The following ACSM1 variants were observed in gnomAD, a reference collection of about 807,000 sequenced individuals.
The protein encoded by ACSM1 is acyl-coenzyme A synthetase ACSM1, mitochondrial.
In ACSM1, 79 loss-of-function variants were observed where a neutral mutation model predicts 75.8. The observed-to-expected ratio is 1.04, with a 90% CI of 0.87 to 1.26. ACSM1 has a LOEUF of 1.26. Ranked by LOEUF, ACSM1 falls within the 50% of genes most tolerant of loss-of-function variation. ACSM1 has a pLI of 0.00. For missense variants in ACSM1, 676 were observed against 720.1 expected (o/e 0.94, Z 0.70); for synonymous variants, 279 against 265.8 (o/e 1.05, Z -0.48).
chr16:20,659,282 G>T (rs1203574709), intron 7 of ACSM1, among the ~76,000 whole-genome samples: 1 of 152,068 alleles, frequency 6.6e-6, no homozygotes, highest in Non-Finnish European at 1.5e-5. Context: ...GTGGGACCCT[G>T]CCAGATGGCC....
chr16:20,644,930 A>C (rs2018275468), intron 7 of ACSM1, among the ~76,000 whole-genome samples: 1 of 152,240 alleles, frequency 6.6e-6, no homozygotes. Context: ...GTTATCTTCA[A>C]AATATAAATA....
intron 7 of ACSM1, among the ~76,000 whole-genome samples, chr16:20,655,120 C>T (rs953295574): frequency 4.0e-5 from 6 of 151,790 alleles, no homozygotes; most frequent in African/African-American, 1.5e-4. Flanking sequence ...AAGCTGGAAA[C>T]CATCATTCTC....
intron 4 of ACSM1, among the ~76,000 whole-genome samples, chr16:20,678,325 T>C (rs1162994891): frequency 6.6e-6 from 1 of 152,172 alleles, no homozygotes; most frequent in Non-Finnish European, 1.5e-5. Context: ...AAAGACATTA[T>C]TAAGGCATCA....
In ACSM1 at chr16:20,697,128, A is replaced by G. The variant is rs2079693923; in HGVS notation, c.-52+508T>C. Among the ~76,000 whole-genome samples, 3 of 152,128 alleles carry G rather than the reference A, an allele frequency of 2.0e-5. No homozygotes were observed. The South Asian group carries it at 6.2e-4, about 32-fold the overall frequency. ...GAAACTGTCACCTGGACTGGAGTGC[A>G]GTGGTGTGATCATAGCTCACTGCAG... On this transcript the variant is annotated intron_variant, in intron 1 of 13. Coordinates refer to ENST00000520010, the MANE Select transcript of ACSM1 (RefSeq NM_001318890.3).
intron 7 of ACSM1, among the ~76,000 whole-genome samples, chr16:20,654,538 T>A (rs1205969531): frequency 6.6e-6 from 1 of 151,880 alleles, no homozygotes; most frequent in Non-Finnish European, 1.5e-5. Context: ...TACAAACAAC[T>A]CAAACAAATT....
At chr16:20,686,251 T>C (rs1334292422) in intron 2 of ACSM1, among the ~76,000 whole-genome samples, 1 of 152,128 alleles carries the variant, frequency 6.6e-6, no homozygotes, top group Non-Finnish European at 1.5e-5. Context: ...GTGAGGGCAG[T>C]AACAAAGCAG....
At chr16:20,644,084 A>G (rs2018223550) in intron 7 of ACSM1, among the ~76,000 whole-genome samples, 1 of 152,178 alleles carries the variant, frequency 6.6e-6, no homozygotes, top group South Asian at 2.1e-4. Context: ...CTTTAGCTAG[A>G]CACAAAAGTT....
chr16:20,665,832 T>C (rs1487689088), intron 6 of ACSM1, among the ~76,000 whole-genome samples: 1 of 152,154 alleles, frequency 6.6e-6, no homozygotes, highest in South Asian at 2.1e-4. Context: ...TGGGTCAACA[T>C]ATGCAGATCA....
At chr16:20,641,279 C>G (rs2018043264) in intron 7 of ACSM1, among the ~76,000 whole-genome samples, 1 of 152,160 alleles carries the variant, frequency 6.6e-6, no homozygotes, top group Admixed American at 6.5e-5. Context: ...GGTGGCCTTG[C>G]AAAGCCATCT....
Position 20,623,258 on chromosome 16 carries a change from C to T in ACSM1, c.*228G>A. On this transcript the variant is annotated 3_prime_UTR_variant, in exon 14 of 14. Transcript: ENST00000520010. ...TATTGTTGATATCAGTATTTTATTA[C>T]TTGCGTTATGAGTGCTCACCTGGGA... 1 of 496,568 alleles carries T rather than the reference C, an allele frequency of 2.0e-6. No individual in the cohort carries two copies. The highest frequency in any genetic ancestry group is 3.7e-6 in the Non-Finnish European group (1 of 273,910). 30.8% of individuals were successfully genotyped at this position (496,568 alleles called of 1,614,324 possible).
intron 7 of ACSM1, among the ~76,000 whole-genome samples, chr16:20,644,538 A>AACACACACAC (rs56275246): frequency 1.4e-5 from 2 of 145,010 alleles, no homozygotes; most frequent in African/African-American, 2.5e-5. Context: ...GTGATTGAGG[A>AACACACACAC]ACACACACAC....
At position 20,685,286 on chromosome 16, in the gene ACSM1, G is replaced by A. The variant is rs1466215431; in HGVS notation, c.310C>T (p.Gln104Ter). 3 of 1,614,216 alleles carry A rather than the reference G, an allele frequency of 1.9e-6. No homozygotes were observed. The South Asian group carries it at 3.3e-5, about 18-fold the overall frequency. ...TCTCCCTGTTGTAGGCCACAGGTCT[G>A]TGTGAAGACGTTGGCTACACGGCGG... ...LTRRVANVFT[Q>*]TCGLQQGDHL... The change falls in exon 3 of 14, where the codon CAG becomes TAG. Residue 104 changes from glutamine (Q) to a stop codon, truncating the protein, a stop_gained. Transcript: ENST00000520010. LOFTEE classifies it high-confidence loss of function.
chr16:20,635,543 T>TGCAC (rs2017614922), intron 10 of ACSM1, among the ~76,000 whole-genome samples: 1 of 152,128 alleles, frequency 6.6e-6, no homozygotes, highest in African/African-American at 2.4e-5. Flanking sequence ...CTGGACATTA[T>TGCAC]ATAAAATATA....
intron 1 of ACSM1, among the ~76,000 whole-genome samples, chr16:20,692,575 G>A (rs1190145026): frequency 6.6e-6 from 1 of 152,146 alleles, no homozygotes; most frequent in Non-Finnish European, 1.5e-5. Flanking sequence ...ACCTAAAAGG[G>A]TATGTGGCTC....
intron 4 of ACSM1, chr16:20,674,681 G>C (rs1310300364): frequency 6.6e-6 from 1 of 152,244 alleles, no homozygotes; most frequent in African/African-American, 2.4e-5. Flanking sequence ...TAGGGCCCTG[G>C]GGCTGTGGAA....
Position 20,625,417 on chromosome 16 carries a change from C to G in ACSM1, c.1527+6G>C. On this transcript the variant is annotated splice_donor_region_variant and intron_variant, in intron 12 of 13. Transcript: ENST00000520010. ...ACAGACATGATGATCTCTGTGTTCT[C>G]CTCACCTCCCCTCGAATCGGGTCTG... 6.2e-7 allele frequency: 1 copy of G among 1,613,628 alleles called. No homozygotes were observed. The highest frequency in any genetic ancestry group is 8.5e-7 in the Non-Finnish European group (1 of 1,179,872).
intron 3 of ACSM1, among the ~76,000 whole-genome samples, chr16:20,684,044 T>C (rs893396103): frequency 1.3e-5 from 2 of 152,174 alleles, no homozygotes; most frequent in Non-Finnish European, 2.9e-5. Context: ...ATCAAGAGTA[T>C]GGCAGAGTGC....
At chr16:20,662,599 T>C (rs2152259648) in intron 6 of ACSM1, among the ~76,000 whole-genome samples, 1 of 152,316 alleles carries the variant, frequency 6.6e-6, no homozygotes, top group South Asian at 2.1e-4. Context: ...ATTTAAATCC[T>C]GTTACTTAAT....
At chr16:20,672,884 T>TATAATATATAATAAATATAA (rs2020039641) in intron 4 of ACSM1, among the ~76,000 whole-genome samples, 1 of 130,250 alleles carries the variant, frequency 7.7e-6, no homozygotes, top group Admixed American at 8.2e-5. Flanking sequence ...TATAAATATA[T>TATAATATATAATAAATATAA]ATAATATATA....
Sources: allele counts gnomAD v4.1 joint callset (sites outside exome capture counted in the v4.1 genomes callset), GRCh38; gene constraint gnomAD v4.1.1; transcripts MANE v1.5; gene names NCBI Gene and HGNC (gene_info 2026-07-23, HGNC 2026-07-21).